The following CPN1 variants were observed in gnomAD, a reference collection of about 807,000 sequenced individuals.
CPN1 encodes carboxypeptidase N subunit 1.
CPN1 carries 37 observed loss-of-function variants against 46.4 expected under a neutral mutation model. The ratio of observed to expected loss-of-function variants is 0.80; its 90% CI spans 0.61 to 1.05. The LOEUF is 1.05. Among genes scored for constraint, CPN1 ranks in the 50% least tolerant of loss-of-function variants. The pLI is 0.00. For missense variants in CPN1, 563 were observed against 602.6 expected (o/e 0.93, Z 0.69); for synonymous variants, 224 against 235.4 (o/e 0.95, Z 0.44).
chr10:100,077,045 T>C (rs1339089532), intron 1 of CPN1, among the ~76,000 whole-genome samples: 1 of 152,100 alleles, frequency 6.6e-6, no homozygotes, highest in African/African-American at 2.4e-5. Flanking sequence ...TCTTGCCAAA[T>C]GATTTTTCTT....
intron 2 of CPN1, among the ~76,000 whole-genome samples, chr10:100,074,926 T>C (rs1397984289): frequency 6.6e-6 from 1 of 152,134 alleles, no homozygotes; most frequent in African/African-American, 2.4e-5. Context: ...CTGAAACACT[T>C]AAGATGTTAC....
rs750146714 is a variant in CPN1 at position 100,065,160 on chromosome 10, T to C, written c.759+28A>G. Reference sequence around the variant, plus strand: ...TCACCTCCTGAGCCCCAAGTTCCCCTGGCGGGACAAGCTGCTTCTCCACAT... The same window carrying C: ...TCACCTCCTGAGCCCCAAGTTCCCCCGGCGGGACAAGCTGCTTCTCCACAT... On this transcript the variant is annotated intron_variant, in intron 4 of 8. Transcript: ENST00000370418. 17 of 1,603,586 alleles carry C rather than the reference T, an allele frequency of 1.1e-5. No individual in the cohort carries two copies. In the East Asian group the frequency reaches 3.6e-4, roughly 34 times the overall value.
chr10:100,042,326 T>C lies in CPN1; in HGVS notation c.*101A>G. On this transcript the variant is annotated 3_prime_UTR_variant, in exon 9 of 9. Transcript: ENST00000370418. ...CATTCTGAATTGTTCTGAATATGTT[T>C]GTATTTAAATATGTCCCAGATAATA... 2.0e-6 allele frequency: 3 copies of C among 1,468,940 alleles called. No individual in the cohort carries two copies. The highest frequency in any genetic ancestry group is 2.8e-6 in the Non-Finnish European group (3 of 1,053,420). 91.0% of individuals were successfully genotyped at this position (1,468,940 alleles called of 1,614,324 possible).
Position 100,081,811 on chromosome 10 carries a change from C to T in CPN1, c.-186G>A, listed in dbSNP as rs2041549066. 4 of 635,154 alleles carry T rather than the reference C, an allele frequency of 6.3e-6. No homozygotes were observed. The highest frequency in any genetic ancestry group is 2.2e-5 in the Admixed American group (1 of 45,092). 39.3% of individuals were successfully genotyped at this position (635,154 alleles called of 1,614,324 possible). ...TCTTTATGTCGTTCTGGAATAGCCA[C>T]TCATCTCTCCTCCCTCACTCCCTTT... On this transcript the variant is annotated 5_prime_UTR_variant, in exon 1 of 9. The change creates a new upstream start codon in the 5' untranslated region. Coordinates refer to ENST00000370418, the MANE Select transcript of CPN1 (RefSeq NM_001308.3).
intron 1 of CPN1, among the ~76,000 whole-genome samples, chr10:100,080,041 G>A (rs1026471578): frequency 6.6e-6 from 1 of 151,076 alleles, no homozygotes. Context: ...AGCTGAGATT[G>A]CACCACTGCA....
At chr10:100,062,294 C>T (rs2041424081) in intron 5 of CPN1, among the ~76,000 whole-genome samples, 1 of 152,076 alleles carries the variant, frequency 6.6e-6, no homozygotes, top group Non-Finnish European at 1.5e-5. Flanking sequence ...GGGGAAGGCC[C>T]AGGGGATAGA....
intron 2 of CPN1, among the ~76,000 whole-genome samples, chr10:100,073,334 A>G (rs984889258): frequency 4.6e-5 from 7 of 152,142 alleles, no homozygotes; most frequent in African/African-American, 1.7e-4. Context: ...GTCAGCATAA[A>G]CAGCTATGGG....
chr10:100,069,671 A>T (rs780417119), intron 3 of CPN1, 43 bp downstream of exon 3: 1 of 1,613,090 alleles, frequency 6.2e-7, no homozygotes, highest in Admixed American at 1.7e-5. Flanking sequence ...AAGAAATTCC[A>T]GATGCTGATT....
rs763154695 is a variant in CPN1 at position 100,057,079 on chromosome 10, G to C, written c.945C>G (p.Pro315=). 3 of 1,614,012 alleles carry C rather than the reference G, an allele frequency of 1.9e-6. No homozygotes were observed. The highest frequency in any genetic ancestry group is 1.7e-5 in the Admixed American group (1 of 59,980). ...ACTCCCGCTGTAACTCCTCTTCGGG[G>C]GGAAACTTGTCGCAACTCAGTTCCA... ...ITLELSCDKF[P]PEEELQREWL... is the part of the protein sequence containing the mutation. Residue 315 remains proline, a synonymous_variant, in exon 6 of 9, where the codon CCC becomes CCG. Transcript: ENST00000370418.
chr10:100,068,541 CT>C (rs1212053690), intron 3 of CPN1, among the ~76,000 whole-genome samples: 2 of 151,306 alleles, frequency 1.3e-5, no homozygotes, highest in African/African-American at 2.4e-5. Flanking sequence ...ATTCCTTGAA[CT>C]TTTTTTTTGT....
rs990723015 is a variant in CPN1 at position 100,048,638 on chromosome 10, G to T, written c.1230+120C>A. ...TGCTTCGGCCCAGGAGATCGAGGCT[G>T]CAGTGAGCCACAGTGGTGCCACTGC... On this transcript the variant is annotated intron_variant, in intron 8 of 8. Coordinates refer to ENST00000370418, the MANE Select transcript of CPN1 (RefSeq NM_001308.3). 5 of 795,792 alleles carry T rather than the reference G, an allele frequency of 6.3e-6. No individual in the cohort carries two copies. In the African/African-American group the frequency reaches 6.8e-5, roughly 11 times the overall value. The allele number at this position is 795,792 out of a possible 1,614,324, so 49.3% of individuals were successfully genotyped here. A position where few individuals can be genotyped will look rare whatever the true frequency, so the allele number is the denominator to read the frequency against.
intron 5 of CPN1, among the ~76,000 whole-genome samples, chr10:100,061,295 A>G (rs1288887495): frequency 6.6e-6 from 1 of 152,258 alleles, no homozygotes; most frequent in Non-Finnish European, 1.5e-5. Context: ...TGTAATTATT[A>G]CACATTGCAT....
At chr10:100,042,806 A>T (rs2041284314) in intron 8 of CPN1, among the ~76,000 whole-genome samples, 1 of 149,870 alleles carries the variant, frequency 6.7e-6, no homozygotes, top group Admixed American at 6.7e-5. Flanking sequence ...GTATTAGAAA[A>T]AGATGGGCTG....
In CPN1 at chr10:100,067,122, G is replaced by A. The variant is rs117973930; in HGVS notation, c.577-1752C>T. Among the ~76,000 whole-genome samples the A allele has an allele frequency of 3.9e-5, 6 of 152,168 alleles. No individual in the cohort carries two copies. The East Asian group carries it at 1.2e-3, about 29-fold the overall frequency. On this transcript the variant is annotated intron_variant, in intron 3 of 8. Transcript: ENST00000370418. ...CTAACACGAAGTTCTTTGCTTTTTG[G>A]TTTTGGTTTTGGTTTTTTTGTGAGA... is the stretch of plus-strand genomic sequence containing the variant.
At chr10:100,075,855 C>T (rs2041510106) in intron 2 of CPN1, 56 bp downstream of exon 2, 1 of 1,567,846 alleles carries the variant, frequency 6.4e-7, no homozygotes, top group African/African-American at 1.3e-5. Context: ...GTCCACTGGA[C>T]TTTATTTCCT....
intron 7 of CPN1, among the ~76,000 whole-genome samples, chr10:100,052,298 T>G (rs1193477822): frequency 6.6e-6 from 1 of 152,110 alleles, no homozygotes; most frequent in Non-Finnish European, 1.5e-5. Flanking sequence ...TGCGAATTCC[T>G]GAGCTCAGGC....
chr10:100,056,938 C>G (rs770053065), intron 6 of CPN1, 75 bp downstream of exon 6: 32 of 1,590,292 alleles, frequency 2.0e-5, no homozygotes, highest in Non-Finnish European at 2.7e-5. Flanking sequence ...AGACCTGAAC[C>G]AGTGAAACAC....
chr10:100,072,971 G>A (rs1485723589), intron 2 of CPN1, among the ~76,000 whole-genome samples: 1 of 152,194 alleles, frequency 6.6e-6, no homozygotes, highest in East Asian at 1.9e-4. Flanking sequence ...GGCTGTTCCT[G>A]GAAGTGAATG....
At position 100,081,663 on chromosome 10, in the gene CPN1, C is replaced by T. The variant is rs1282867016; in HGVS notation, c.-38G>A. On this transcript the variant is annotated 5_prime_UTR_variant, in exon 1 of 9. Coordinates refer to ENST00000370418, the MANE Select transcript of CPN1 (RefSeq NM_001308.3). ...TTTCAAAGAGAGCCACTGAAACGCG[C>T]CCCACCTCCTTAAACAACCTAGCCT... The T allele has an allele frequency of 6.4e-7, 1 of 1,569,780 alleles. No individual in the cohort carries two copies. Among genetic ancestry groups the T allele is most frequent in the Non-Finnish European group, 8.7e-7 (1 of 1,143,540 alleles).
Sources: allele counts gnomAD v4.1 joint callset (sites outside exome capture counted in the v4.1 genomes callset), GRCh38; gene constraint gnomAD v4.1.1; transcripts MANE v1.5; gene names NCBI Gene and HGNC (gene_info 2026-07-23, HGNC 2026-07-21).